The following SNTG1 variants were observed in gnomAD, a reference collection of about 807,000 sequenced individuals.
SNTG1 encodes the protein syntrophin gamma 1.
A neutral mutation model predicts 74.7 loss-of-function variants in SNTG1; 39 were observed. The observed-to-expected ratio is 0.52, with a 90% CI of 0.40 to 0.68. SNTG1 has a LOEUF of 0.68. Among genes scored for constraint, SNTG1 ranks in the 30% least tolerant of loss-of-function variants. The probability of loss-of-function intolerance (pLI) is 0.00; values close to 1 mark genes in which losing one functional copy is unlikely to be tolerated. For missense variants in SNTG1, 685 were observed against 609.5 expected, an observed-to-expected ratio of 1.12 and a Z score of -1.30; for synonymous variants, 254 against 217.1, an observed-to-expected ratio of 1.17 and a Z score of -1.49.
intron 1 of SNTG1, among the ~76,000 whole-genome samples, chr8:50,122,030 C>T (rs1374214235): frequency 7.1e-6 from 1 of 141,116 alleles, no homozygotes; most frequent in Non-Finnish European, 1.6e-5. Flanking sequence ...GCTGGCTTGC[C>T]TGTGCTGGCC....
intron 1 of SNTG1, among the ~76,000 whole-genome samples, chr8:49,945,729 C>CA (rs767794487): frequency 1.3e-5 from 2 of 152,160 alleles, no homozygotes; most frequent in Non-Finnish European, 2.9e-5. Flanking sequence ...AGCCTCAGCA[C>CA]ACAGGCACTG....
chr8:49,962,736 A>C (rs917240164), intron 1 of SNTG1, among the ~76,000 whole-genome samples: 2 of 152,164 alleles, frequency 1.3e-5, no homozygotes, highest in Non-Finnish European at 2.9e-5. Flanking sequence ...CTGGGATTAC[A>C]GGTGCATGCC....
chr8:50,641,118 AAAAC>A (rs1458634320), intron 13 of SNTG1, among the ~76,000 whole-genome samples: 2 of 152,196 alleles, frequency 1.3e-5, no homozygotes, highest in East Asian at 3.9e-4. Context: ...TGGCTGAAGA[AAAAC>A]AAATAGCCAT....
rs560572648 is a variant in SNTG1 at position 49,957,724 on chromosome 8, G to A, written c.-103+45493G>A. Among the ~76,000 whole-genome samples, 6 of 152,282 alleles carry A rather than the reference G, an allele frequency of 3.9e-5. No individual in the cohort carries two copies. In the South Asian group the frequency reaches 1.0e-3, roughly 26 times the overall value. On this transcript the variant is annotated intron_variant, in intron 1 of 18. Transcript: ENST00000642720. Reference sequence around the variant, plus strand: ...TTGCCCTTTGGTTGGGTTTTGGAGAGTTGACCGAAAGGGGTGATGGCTTTA... The same window carrying A: ...TTGCCCTTTGGTTGGGTTTTGGAGAATTGACCGAAAGGGGTGATGGCTTTA...
chr8:50,255,644 T>C (rs1053085511), intron 2 of SNTG1, among the ~76,000 whole-genome samples: 1 of 152,222 alleles, frequency 6.6e-6, no homozygotes, highest in Non-Finnish European at 1.5e-5. Context: ...TCTGTATTCA[T>C]CTTTACATCA....
chr8:50,049,458 A>G (rs112315481), intron 1 of SNTG1, among the ~76,000 whole-genome samples: 7 of 152,276 alleles, frequency 4.6e-5, no homozygotes, highest in African/African-American at 1.7e-4. Flanking sequence ...AGTCATTAAC[A>G]TGTTTGCACT....
chr8:50,546,233 T>TAA (rs11454617), intron 11 of SNTG1, among the ~76,000 whole-genome samples: 28 of 151,370 alleles, frequency 1.8e-4, no homozygotes, highest in Admixed American at 1.5e-3. Flanking sequence ...AGCAAATTGA[T>TAA]AAAAAAAAGT....
intron 12 of SNTG1, among the ~76,000 whole-genome samples, chr8:50,561,445 T>A (rs1204581090): frequency 6.6e-6 from 1 of 152,160 alleles, no homozygotes. Flanking sequence ...AAAAATACAG[T>A]GCAAACCATA....
intron 13 of SNTG1, among the ~76,000 whole-genome samples, chr8:50,622,797 T>A (rs1004737389): frequency 2.0e-5 from 3 of 151,708 alleles, no homozygotes; most frequent in African/African-American, 7.2e-5. Context: ...CAGATGAAAT[T>A]TCTAAGAACA....
chr8:50,248,902 C>A (rs753969152), intron 2 of SNTG1, among the ~76,000 whole-genome samples: 6 of 152,164 alleles, frequency 3.9e-5, no homozygotes, highest in Non-Finnish European at 8.8e-5. Context: ...GCTAAATATC[C>A]TGCCTCAGCT....
chr8:50,703,967 C>T (rs1489323161), intron 15 of SNTG1, among the ~76,000 whole-genome samples: 1 of 151,982 alleles, frequency 6.6e-6, no homozygotes, highest in Non-Finnish European at 1.5e-5. Context: ...ACTTTTTTTT[C>T]TCATGTTAAT....
chr8:50,438,599 G>A lies in SNTG1; in HGVS notation c.219G>A (p.Lys73=). The A allele has an allele frequency of 1.2e-6, 2 of 1,612,634 alleles. No individual in the cohort carries two copies. Among genetic ancestry groups the A allele is most frequent in the Non-Finnish European group, 1.7e-6 (2 of 1,179,066 alleles). Residue 73 remains lysine (K), a splice_region_variant and synonymous_variant, in exon 5 of 19, where the codon AAG becomes AAA. Coordinates refer to ENST00000642720, the MANE Select transcript of SNTG1 (RefSeq NM_018967.5). Reference sequence around the variant, plus strand: ...TAGGAGGATTTGGATTAAGCATAAAGGTAGCCTGCCTTTCTAGTCTATCCT... The same window carrying A: ...TAGGAGGATTTGGATTAAGCATAAAAGTAGCCTGCCTTTCTAGTCTATCCT... The part of the protein sequence containing the change: ...QTVGGFGLSI[K]GGAEHNIPVV...
intron 1 of SNTG1, among the ~76,000 whole-genome samples, chr8:50,089,145 A>T (rs1037019029): frequency 6.6e-5 from 10 of 151,640 alleles, no homozygotes; most frequent in Admixed American, 6.6e-4. Flanking sequence ...GACAAAAACA[A>T]GCAATGGGGA....
chr8:50,071,208 C>T (rs1297077274), intron 1 of SNTG1, among the ~76,000 whole-genome samples: 2 of 152,038 alleles, frequency 1.3e-5, no homozygotes, highest in African/African-American at 4.8e-5. Context: ...ACTTATTTTT[C>T]CTGTTTTTGA....
chr8:50,567,452 T>G (rs1011501118), intron 12 of SNTG1, among the ~76,000 whole-genome samples: 9 of 152,154 alleles, frequency 5.9e-5, no homozygotes, highest in Non-Finnish European at 1.0e-4. Context: ...ATATATTTTG[T>G]TACTTTGAAA....
intron 8 of SNTG1, among the ~76,000 whole-genome samples, chr8:50,455,926 C>G (rs537680887): frequency 6.6e-6 from 1 of 152,318 alleles, no homozygotes; most frequent in African/African-American, 2.4e-5. Context: ...TCTAACCATA[C>G]TGGATAGTTT....
At chr8:50,119,970 C>T (rs1255891536) in intron 1 of SNTG1, among the ~76,000 whole-genome samples, 1 of 141,828 alleles carries the variant, frequency 7.1e-6, no homozygotes, top group East Asian at 2.0e-4. Flanking sequence ...AATTACTTAT[C>T]ATCAGTTTTG....
intron 1 of SNTG1, among the ~76,000 whole-genome samples, chr8:49,993,051 C>A (rs1174496504): frequency 6.6e-6 from 1 of 151,832 alleles, no homozygotes; most frequent in Non-Finnish European, 1.5e-5. Context: ...GTGGAAAAAA[C>A]ACTAGTCATT....
chr8:50,258,831 CG>C (rs1699514809), intron 2 of SNTG1, among the ~76,000 whole-genome samples: 1 of 151,840 alleles, frequency 6.6e-6, no homozygotes, highest in Non-Finnish European at 1.5e-5. Context: ...ATGAGATTAC[CG>C]CCTGATGAGA....
Sources: gnomAD v4.1 joint callset for allele counts (sites outside exome capture counted in the v4.1 genomes callset) on GRCh38, gnomAD v4.1.1 for gene constraint, MANE v1.5 for transcripts, NCBI Gene and HGNC (gene_info 2026-07-23, HGNC 2026-07-21) for gene names.